The following HYAL4 variants were observed in gnomAD, a reference collection of about 807,000 sequenced individuals.
The protein encoded by HYAL4 is hyaluronidase-4.
A neutral mutation model predicts 35.2 loss-of-function variants in HYAL4; 37 were observed. The ratio of observed to expected loss-of-function variants is 1.05; its 90% CI spans 0.81 to 1.38. HYAL4 has a LOEUF of 1.38. HYAL4 is among the 40% of genes most tolerant of loss of function. The probability of loss-of-function intolerance (pLI) is 0.00; values close to 1 mark genes in which losing one functional copy is unlikely to be tolerated. For synonymous variants in HYAL4, 198 were observed against 203.2 expected (o/e 0.97, Z 0.22); for missense variants, 572 against 572.4 (o/e 1.00, Z 0.01).
Position 123,877,210 on chromosome 7 carries a change from G to C in HYAL4, c.*55G>C, listed in dbSNP as rs1807052642. 1 of 1,503,120 alleles carries C rather than the reference G, an allele frequency of 6.7e-7. No homozygotes were observed. Among genetic ancestry groups the C allele is most frequent in the African/African-American group, 1.4e-5 (1 of 71,294 alleles). The allele number at this position is 1,503,120 out of a possible 1,614,324, so 93.1% of individuals were successfully genotyped here. A position where few individuals can be genotyped will look rare whatever the true frequency, so the allele number is the denominator to read the frequency against. On this transcript the variant is annotated 3_prime_UTR_variant, in exon 5 of 5. Coordinates refer to ENST00000223026, the MANE Select transcript of HYAL4 (RefSeq NM_012269.3). Reference sequence around the variant, plus strand: ...CCTCTAGCCTAGTCATTTAAAGAAGGATGTAACTTATAACATTTTTTTTCT... The same window carrying C: ...CCTCTAGCCTAGTCATTTAAAGAAGCATGTAACTTATAACATTTTTTTTCT...
intron 2 of HYAL4, among the ~76,000 whole-genome samples, chr7:123,851,377 A>G (rs150358419): frequency 2.0e-5 from 3 of 152,092 alleles, no homozygotes; most frequent in Admixed American, 6.6e-5. Context: ...ATTTCTCCCA[A>G]TGCTGTCCCT....
chr7:123,825,026 T>C (rs918830702), upstream of HYAL4, among the ~76,000 whole-genome samples: 4 of 152,242 alleles, frequency 2.6e-5, no homozygotes, highest in East Asian at 7.7e-4. Flanking sequence ...TAGCCATTTA[T>C]ATATGCTGGA....
At chr7:123,851,004 A>G (rs1382484462) in intron 2 of HYAL4, among the ~76,000 whole-genome samples, 1 of 152,230 alleles carries the variant, frequency 6.6e-6, no homozygotes, top group Non-Finnish European at 1.5e-5. Context: ...TTGGACAAAT[A>G]AACTTATTTT....
intron 2 of HYAL4, among the ~76,000 whole-genome samples, chr7:123,863,342 C>T (rs1806618299): frequency 6.6e-6 from 1 of 151,108 alleles, no homozygotes; most frequent in African/African-American, 2.5e-5. Flanking sequence ...CTGCCTTCAT[C>T]ATACAATGTC....
At chr7:123,797,893 T>A in the HYAL4 span, among the ~76,000 whole-genome samples, 2 of 152,192 alleles carry the variant, frequency 1.3e-5, no homozygotes, top group Non-Finnish European at 2.9e-5. Context: ...TTCCAAATTC[T>A]CAAAAAGCTT....
the HYAL4 span, among the ~76,000 whole-genome samples, chr7:123,808,418 CGT>C: frequency 0.13 from 18,904 of 142,416 alleles, 1,201 homozygotes; most frequent in East Asian, 0.25. Flanking sequence ...TGTATCATCA[CGT>C]GTGTGTGTGT....
chr7:123,777,707 A>C, the HYAL4 span, among the ~76,000 whole-genome samples: 6 of 152,242 alleles, frequency 3.9e-5, no homozygotes, highest in African/African-American at 1.4e-4. Flanking sequence ...ATTTCCATAA[A>C]ACTGTGAACC....
the HYAL4 span, among the ~76,000 whole-genome samples, chr7:123,776,587 T>A: frequency 1.3e-5 from 2 of 152,114 alleles, no homozygotes; most frequent in Non-Finnish European, 1.5e-5. Context: ...CTAATTTTTA[T>A]TTTTATATTT....
chr7:123,818,462 G>A, the HYAL4 span, among the ~76,000 whole-genome samples: 1 of 152,108 alleles, frequency 6.6e-6, no homozygotes, highest in Non-Finnish European at 1.5e-5. Flanking sequence ...AACGTGTTAA[G>A]GAAGCCTTCC....
chr7:123,814,892 G>A, the HYAL4 span: 9 of 152,672 alleles, frequency 5.9e-5, no homozygotes, highest in South Asian at 1.7e-3. Flanking sequence ...CTGAAGTCAA[G>A]CTTAAATGCT....
the HYAL4 span, among the ~76,000 whole-genome samples, chr7:123,765,220 C>T: frequency 2.0e-5 from 3 of 151,532 alleles, no homozygotes; most frequent in African/African-American, 7.3e-5. Context: ...AATTGTCACT[C>T]TGAGGGTGAA....
intron 2 of HYAL4, among the ~76,000 whole-genome samples, chr7:123,854,465 C>G (rs1806384578): frequency 6.6e-6 from 1 of 152,150 alleles, no homozygotes; most frequent in Non-Finnish European, 1.5e-5. Flanking sequence ...TTTCTGCCTT[C>G]ATTTCATTAT....
At chr7:123,814,664 C>T in the HYAL4 span, 2 of 152,512 alleles carry the variant, frequency 1.3e-5, no homozygotes, top group Admixed American at 6.6e-5. Flanking sequence ...AACAGTTGCC[C>T]GAGAGGAATT....
the HYAL4 span, among the ~76,000 whole-genome samples, chr7:123,791,315 T>A: frequency 6.6e-6 from 1 of 152,200 alleles, no homozygotes; most frequent in African/African-American, 2.4e-5. Context: ...TTTCTTTATC[T>A]GTAAAAAGAG....
Position 123,868,609 on chromosome 7 carries a change from C to T in HYAL4, c.336C>T (p.Leu112=), listed in dbSNP as rs373941618. 3.1e-6 allele frequency: 5 copies of T among 1,613,960 alleles called. No homozygotes were observed. The African/African-American group carries it at 5.3e-5, about 17-fold the overall frequency. Residue 112 remains leucine (L), a synonymous_variant, in exon 3 of 5, where the codon CTC becomes CTT. Coordinates refer to ENST00000223026, the MANE Select transcript of HYAL4 (RefSeq NM_012269.3). The part of the protein sequence containing the change: ...TSQGVPINGG[L]PQNISLQVHL... ...AAGGGGTCCCCATTAATGGAGGTCTCCCACAGAACATAAGTTTACAAGTAC... is the reference window on the plus strand; with the variant it reads ...AAGGGGTCCCCATTAATGGAGGTCTTCCACAGAACATAAGTTTACAAGTAC...
chr7:123,832,476 ATACTTTTTT>A lies in HYAL4; in HGVS notation c.-257+3354_-257+3362del, dbSNP rs1417632315. Among the ~76,000 whole-genome samples, 175 of 58,468 alleles carry A rather than the reference ATACTTTTTT, an allele frequency of 3.0e-3. 23 individuals carry two copies. The highest frequency in any genetic ancestry group is 8.2e-3 in the African/African-American group (129 of 15,660). 38.4% of individuals were successfully genotyped at this position (58,468 alleles called of 152,430 possible). A position where few individuals can be genotyped will look rare whatever the true frequency, so the allele number is the denominator to read the frequency against. The stretch of plus-strand genomic sequence containing the variant: ...CTGAGTCCCCAAAGTCTATTGTGTC[ATACTTTTTT>A]TTTTTTTTTTTTTTTTTTTTTTTTT... On this transcript the variant is annotated intron_variant, in intron 1 of 4. Coordinates refer to the HYAL4 transcript ENST00000489978.
At chr7:123,820,733 A>G in the HYAL4 span, among the ~76,000 whole-genome samples, 1 of 152,208 alleles carries the variant, frequency 6.6e-6, no homozygotes, top group African/African-American at 2.4e-5. Context: ...ATCTAGCGTA[A>G]CTAAACTAGC....
At chr7:123,843,152 A>G (rs891310266), upstream of HYAL4, among the ~76,000 whole-genome samples, 5 of 151,766 alleles carry the variant, frequency 3.3e-5, no homozygotes, top group Non-Finnish European at 5.9e-5. Context: ...GTTTCTTTCC[A>G]TGTTTAGTGC....
the HYAL4 span, among the ~76,000 whole-genome samples, chr7:123,788,487 A>C: frequency 3.1e-3 from 469 of 152,348 alleles, 4 homozygotes; most frequent in Middle Eastern, 0.014. Context: ...TGCTAAATTG[A>C]AATTTTAAAA....
Sources: allele counts gnomAD v4.1 joint callset (sites outside exome capture counted in the v4.1 genomes callset), GRCh38; gene constraint gnomAD v4.1.1; transcripts MANE v1.5; gene names NCBI Gene and HGNC (gene_info 2026-07-23, HGNC 2026-07-21).